The following BRWD1 variants were observed in gnomAD, a reference collection of about 807,000 sequenced individuals.
BRWD1 encodes bromodomain and WD repeat-containing protein 1.
A neutral mutation model predicts 251.2 loss-of-function variants in BRWD1; 82 were observed. The ratio of observed to expected loss-of-function variants is 0.33; its 90% CI spans 0.27 to 0.39. BRWD1 has a LOEUF of 0.39. Among genes scored for constraint, BRWD1 ranks in the 10% least tolerant of loss-of-function variants. BRWD1 has a pLI of 1.00. For synonymous variants in BRWD1, 918 were observed against 902.8 expected, an observed-to-expected ratio of 1.02 and a Z score of -0.30; for missense variants, 2,233 against 2,711.6, an observed-to-expected ratio of 0.82 and a Z score of 3.92.
At chr21:39,271,681 AG>A (rs1481582996) in intron 13 of BRWD1, among the ~76,000 whole-genome samples, 1 of 119,986 alleles carries the variant, frequency 8.3e-6, no homozygotes, top group African/African-American at 3.3e-5. Flanking sequence ...TGGGCAACAG[AG>A]CAAGACTCCG....
chr21:39,318,191 C>T (rs773473374), upstream of BRWD1, among the ~76,000 whole-genome samples: 3 of 151,930 alleles, frequency 2.0e-5, no homozygotes, highest in Admixed American at 6.6e-5. Context: ...AGCCCAACAA[C>T]GTTAAATATG....
chr21:39,304,314 T>C (rs1032000373), intron 4 of BRWD1, among the ~76,000 whole-genome samples: 1 of 150,762 alleles, frequency 6.6e-6, no homozygotes, highest in Admixed American at 6.6e-5. Context: ...TGTTTAATTA[T>C]GTTAAATACA....
At chr21:39,205,454 G>A (rs2032342487) in intron 37 of BRWD1, among the ~76,000 whole-genome samples, 1 of 152,120 alleles carries the variant, frequency 6.6e-6, no homozygotes, top group Admixed American at 6.5e-5. Flanking sequence ...CCCAGCCTGG[G>A]CAACATAGTG....
intron 8 of BRWD1, among the ~76,000 whole-genome samples, chr21:39,285,718 T>A (rs1046084250): frequency 1.3e-5 from 2 of 151,232 alleles, no homozygotes; most frequent in African/African-American, 4.9e-5. Flanking sequence ...AGCCTAGGAG[T>A]GTGACCAGTT....
chr21:39,320,675 T>C (rs1284783525), intron 1 of BRWD1, among the ~76,000 whole-genome samples: 1 of 149,030 alleles, frequency 6.7e-6, no homozygotes, highest in African/African-American at 2.5e-5. Context: ...ATCTTTTTTT[T>C]TTTTTTTTTT....
In BRWD1 at chr21:39,199,065, G is replaced by GC; in HGVS notation, c.5350dup (p.Ala1784GlyfsTer11). On this transcript the variant is annotated frameshift_variant, in exon 40 of 41. Transcript: ENST00000342449. LOFTEE classifies it high-confidence loss of function. ...ATCTGCTTCCTCTGAGATGCTCTCT[G>GC]CCTTAAGTTTCTGCACAGACGTTGA... 6.2e-7 allele frequency: 1 copy of GC among 1,614,114 alleles called. No individual in the cohort carries two copies.
chr21:39,300,176 C>T (rs899993541), intron 4 of BRWD1, among the ~76,000 whole-genome samples: 3 of 152,112 alleles, frequency 2.0e-5, no homozygotes, highest in African/African-American at 7.2e-5. Flanking sequence ...ACACCTACCA[C>T]AATTTTTTCC....
Position 39,278,827 on chromosome 21 carries a change from A to T in BRWD1, c.933-14T>A, listed in dbSNP as rs1456000178. On this transcript the variant is annotated splice_polypyrimidine_tract_variant and intron_variant, in intron 9 of 40. Transcript: ENST00000342449. The stretch of plus-strand genomic sequence containing the variant: ...AGGGGACGTGGGCTTTAAAAGAAGA[A>T]GATGCTGCTTTAAAATAGATTATTT... 3.8e-6 allele frequency: 6 copies of T among 1,567,652 alleles called. No individual in the cohort carries two copies. Among genetic ancestry groups the T allele is most frequent in the South Asian group, 2.4e-5 (2 of 82,604 alleles).
chr21:39,223,392 G>C (rs1012303438), intron 29 of BRWD1, among the ~76,000 whole-genome samples: 3 of 151,990 alleles, frequency 2.0e-5, no homozygotes, highest in Non-Finnish European at 4.4e-5. Flanking sequence ...ATTATAAAAA[G>C]AGAAAAACAT....
chr21:39,298,665 T>A, intron 4 of BRWD1, 83 bp from the exon 5 acceptor site: 1 of 1,142,166 alleles, frequency 8.8e-7, no homozygotes, highest in Non-Finnish European at 1.2e-6. Flanking sequence ...TGGCAAAATG[T>A]GAAAAACATA....
At chr21:39,207,457 C>CACACACACACACAT (rs2032453551) in intron 36 of BRWD1, among the ~76,000 whole-genome samples, 1 of 148,718 alleles carries the variant, frequency 6.7e-6, no homozygotes, top group Non-Finnish European at 1.5e-5. Flanking sequence ...AGAAAACACA[C>CACACACACACACAT]ACACACACAC....
At chr21:39,320,456 T>TC (rs1373230741) in intron 1 of BRWD1, among the ~76,000 whole-genome samples, 1 of 152,074 alleles carries the variant, frequency 6.6e-6, no homozygotes, top group African/African-American at 2.4e-5. Context: ...CACCTCTGCC[T>TC]CCCAGGTAAC....
intron 4 of BRWD1, among the ~76,000 whole-genome samples, chr21:39,310,617 ATT>A (rs1601516429): frequency 6.1e-5 from 9 of 148,488 alleles, no homozygotes; most frequent in Non-Finnish European, 7.4e-5. Context: ...AAAAAAAATT[ATT>A]ATTATTCAAA....
At chr21:39,307,883 T>C (rs750663614) in intron 4 of BRWD1, among the ~76,000 whole-genome samples, 2 of 152,234 alleles carry the variant, frequency 1.3e-5, no homozygotes, top group Non-Finnish European at 2.9e-5. Flanking sequence ...TGTCCTTGAC[T>C]ATAGAGATCT....
At chr21:39,257,319 C>G (rs185568835) in intron 18 of BRWD1, among the ~76,000 whole-genome samples, 3 of 151,902 alleles carry the variant, frequency 2.0e-5, no homozygotes, top group Admixed American at 2.0e-4. Context: ...TCTTGTGCCT[C>G]TTGCCATGAC....
chr21:39,300,961 G>A (rs968473814), intron 4 of BRWD1, among the ~76,000 whole-genome samples: 6 of 152,124 alleles, frequency 3.9e-5, no homozygotes, highest in Admixed American at 6.6e-5. Context: ...GGCAGATTAC[G>A]AGGTCAGGAG....
rs1468091641 is a variant in BRWD1 at position 39,295,173 on chromosome 21, ATGTT to A, written c.609+566_609+569del. 2.0e-4 allele frequency among the ~76,000 whole-genome samples: 18 copies of A among 88,250 alleles called. 1 individual carries two copies. The highest frequency in any genetic ancestry group is 7.0e-4 in the African/African-American group (15 of 21,502). 57.9% of individuals were successfully genotyped at this position (88,250 alleles called of 152,430 possible). On this transcript the variant is annotated intron_variant, in intron 7 of 40. Transcript: ENST00000342449. ...TAGAGGGAAAGTGTTAGGTATGTCT[ATGTT>A]TTTTTTTTTTTTTTTTTTTTTTTTT...
chr21:39,262,641 G>C (rs560166663), intron 17 of BRWD1, among the ~76,000 whole-genome samples: 2 of 151,844 alleles, frequency 1.3e-5, no homozygotes, highest in South Asian at 4.2e-4. Context: ...CTTGAACCCG[G>C]GTGGCGGAGG....
intron 4 of BRWD1, 78 bp downstream of exon 4, chr21:39,312,763 G>A: frequency 2.4e-6 from 3 of 1,243,842 alleles, no homozygotes; most frequent in Admixed American, 2.1e-5. Flanking sequence ...CCACGGGCCG[G>A]GGTCCCCGCG....
Sources: gnomAD v4.1 joint callset for allele counts (sites outside exome capture counted in the v4.1 genomes callset) on GRCh38, gnomAD v4.1.1 for gene constraint, MANE v1.5 for transcripts, NCBI Gene and HGNC (gene_info 2026-07-23, HGNC 2026-07-21) for gene names.